The following ZBBX variants were observed in gnomAD, a reference collection of about 807,000 sequenced individuals.
ZBBX encodes zinc finger B-box domain containing.
In ZBBX, 101 loss-of-function variants were observed where a neutral mutation model predicts 108.5. The ratio of observed to expected loss-of-function variants is 0.93; its 90% confidence interval spans 0.79 to 1.10. The LOEUF is 1.10. ZBBX is among the 50% of genes least tolerant of loss of function. The pLI is 0.00. For synonymous variants in ZBBX, 356 were observed against 323.4 expected (o/e 1.10, Z -1.08); for missense variants, 1,009 against 941.4 (o/e 1.07, Z -0.94).
At chr3:167,337,833 T>C (rs1739831572) in intron 9 of ZBBX, among the ~76,000 whole-genome samples, 1 of 152,152 alleles carries the variant, frequency 6.6e-6, no homozygotes, top group African/African-American at 2.4e-5. Context: ...ATATTTAAAA[T>C]AGATAACTAT....
At chr3:167,182,460 G>C in the ZBBX span, among the ~76,000 whole-genome samples, 3 of 152,176 alleles carry the variant, frequency 2.0e-5, no homozygotes, top group African/African-American at 7.2e-5. Flanking sequence ...TTTGGTCCCT[G>C]CTTTACAGCA....
chr3:167,387,728 T>C (rs931441008), intron 1 of ZBBX, among the ~76,000 whole-genome samples: 3 of 152,084 alleles, frequency 2.0e-5, no homozygotes, highest in Non-Finnish European at 4.4e-5. Context: ...GAGATACTAA[T>C]GGACTAGGCC....
Position 167,342,722 on chromosome 3 carries a change from T to C in ZBBX, c.528+7698A>G, listed in dbSNP as rs1395455146. Among the ~76,000 whole-genome samples the C allele has an allele frequency of 2.0e-5, 3 of 151,606 alleles. No homozygotes were observed. The East Asian group carries it at 5.8e-4, about 29-fold the overall frequency. On this transcript the variant is annotated intron_variant, in intron 9 of 21. Coordinates refer to ENST00000675490, the MANE Select transcript of ZBBX (RefSeq NM_001199201.2). ...AATATCTCATATAAGCAGAGTTATG[T>C]AGTATTTGTCCTTCTGTAACTTACT...
At chr3:167,401,577 G>C (rs112811529) in intron 1 of ZBBX, 26,517 of 152,160 alleles carry the variant, frequency 0.17, 2,863 homozygotes, top group South Asian at 0.29. Flanking sequence ...GACCATATAG[G>C]GTAACTTCCT....
chr3:167,360,696 AT>A lies in ZBBX; in HGVS notation c.300del (p.Lys100AsnfsTer3). 7.2e-7 allele frequency: 1 copy of A among 1,384,990 alleles called. No individual in the cohort carries two copies. Among genetic ancestry groups the A allele is most frequent in the Non-Finnish European group, 9.5e-7 (1 of 1,056,128 alleles). The allele number at this position is 1,384,990 out of a possible 1,614,324, so 85.8% of individuals were successfully genotyped here. On this transcript the variant is annotated frameshift_variant, in exon 7 of 22. Coordinates refer to ENST00000675490, the MANE Select transcript of ZBBX (RefSeq NM_001199201.2). LOFTEE classifies it high-confidence loss of function. ...TTACCTTGAATCTGTTCCTTCAGCA[AT>A]TTTAATTTCACTTTTCCAGCAGAAA... Reference protein sequence around the residue: ...VKFSAGKVKLKLLKEQIQEPV... With the variant: ...VKFSAGKVKLXLLKEQIQEPV...
At chr3:167,318,170 A>G (rs1299418972) in intron 12 of ZBBX, among the ~76,000 whole-genome samples, 1 of 152,022 alleles carries the variant, frequency 6.6e-6, no homozygotes, top group Non-Finnish European at 1.5e-5. Flanking sequence ...TCAAGAGTGT[A>G]TATTTGGTTT....
intron 10 of ZBBX, among the ~76,000 whole-genome samples, chr3:167,332,270 A>AACAC (rs66694681): frequency 0.026 from 3,530 of 135,418 alleles, 50 homozygotes; most frequent in Non-Finnish European, 0.037. Flanking sequence ...TGAGGAGTTA[A>AACAC]ACACACACAC....
At chr3:167,245,602 G>A (rs1470210267) in intron 20 of ZBBX, among the ~76,000 whole-genome samples, 2 of 152,038 alleles carry the variant, frequency 1.3e-5, no homozygotes, top group Non-Finnish European at 2.9e-5. Flanking sequence ...ATGGTGACAT[G>A]ATCATGGGAG....
chr3:167,287,535 C>T (rs906629724), intron 19 of ZBBX, among the ~76,000 whole-genome samples: 1 of 152,112 alleles, frequency 6.6e-6, no homozygotes, highest in Non-Finnish European at 1.5e-5. Flanking sequence ...TTTGTATAAA[C>T]AGTGTCTGGC....
chr3:167,203,985 T>C, the ZBBX span, among the ~76,000 whole-genome samples: 1 of 152,060 alleles, frequency 6.6e-6, no homozygotes, highest in African/African-American at 2.4e-5. Flanking sequence ...ATAATAAATA[T>C]GTCAAAAGAT....
chr3:167,370,077 A>G (rs1157781933), intron 4 of ZBBX, among the ~76,000 whole-genome samples: 1 of 151,996 alleles, frequency 6.6e-6, no homozygotes, highest in Non-Finnish European at 1.5e-5. Context: ...AAGAGAATTG[A>G]TCAGACTTAC....
At chr3:167,317,383 G>C (rs918812216) in intron 13 of ZBBX, 105 bp downstream of exon 13, 2 of 824,554 alleles carry the variant, frequency 2.4e-6, no homozygotes, top group African/African-American at 1.8e-5. Flanking sequence ...TGGTACAACT[G>C]AGAATAATAT....
chr3:167,378,691 A>G (rs1489001057), intron 2 of ZBBX, among the ~76,000 whole-genome samples: 1 of 152,190 alleles, frequency 6.6e-6, no homozygotes, highest in East Asian at 1.9e-4. Flanking sequence ...GAAACTACCT[A>G]GAGAAGAAAA....
At chr3:167,404,172 A>G (rs891071833) in intron 1 of ZBBX, among the ~76,000 whole-genome samples, 3 of 152,214 alleles carry the variant, frequency 2.0e-5, no homozygotes, top group African/African-American at 7.2e-5. Flanking sequence ...CAAAACAAGT[A>G]GTACCAAAGA....
the ZBBX span, among the ~76,000 whole-genome samples, chr3:167,185,670 A>G: frequency 6.6e-6 from 1 of 152,124 alleles, no homozygotes; most frequent in Admixed American, 6.5e-5. Flanking sequence ...GCATTCTTTA[A>G]TATCATTCAC....
At chr3:167,325,178 CCTG>C (rs767474029) in intron 11 of ZBBX, among the ~76,000 whole-genome samples, 2 of 152,084 alleles carry the variant, frequency 1.3e-5, no homozygotes, top group Non-Finnish European at 2.9e-5. Flanking sequence ...AGAGGCAGTG[CCTG>C]CTATTTTCAC....
At chr3:167,406,213 T>C (rs1204550280) in intron 1 of ZBBX, among the ~76,000 whole-genome samples, 1 of 152,224 alleles carries the variant, frequency 6.6e-6, no homozygotes, top group Non-Finnish European at 1.5e-5. Context: ...GTGAATGGTA[T>C]AGGTAAAACG....
At chr3:167,393,581 T>C (rs1209220638) in intron 1 of ZBBX, among the ~76,000 whole-genome samples, 3 of 151,982 alleles carry the variant, frequency 2.0e-5, no homozygotes, top group Non-Finnish European at 4.4e-5. Flanking sequence ...AAATATTTTC[T>C]TCACGTACTT....
chr3:167,266,053 CTG>C (rs1324618855), intron 20 of ZBBX, among the ~76,000 whole-genome samples: 6 of 152,306 alleles, frequency 3.9e-5, no homozygotes, highest in African/African-American at 1.4e-4. Flanking sequence ...AAACCAGGTA[CTG>C]TGATTACTCA....
Sources: allele counts gnomAD v4.1 joint callset (sites outside exome capture counted in the v4.1 genomes callset), GRCh38; gene constraint gnomAD v4.1.1; transcripts MANE v1.5; gene names NCBI Gene and HGNC (gene_info 2026-07-23, HGNC 2026-07-21).